Variants in TENM2 observed in about 807,000 individuals in gnomAD.
The protein encoded by TENM2 is teneurin transmembrane protein 2.
In TENM2, 52 loss-of-function variants were observed where a neutral mutation model predicts 245.2. The ratio of observed to expected loss-of-function variants is 0.21; its 90% confidence interval spans 0.17 to 0.27. TENM2 has a LOEUF of 0.27. Ranked by LOEUF, TENM2 falls within the 10% of genes least tolerant of loss-of-function variation. TENM2 has a pLI of 1.00. For synonymous variants in TENM2, 1,363 were observed against 1,438.9 expected (o/e 0.95, Z 1.19); for missense variants, 3,046 against 3,666.8 (o/e 0.83, Z 4.37).
intron 5 of TENM2, among the ~76,000 whole-genome samples, chr5:168,042,779 C>T (rs1788304631): frequency 6.6e-6 from 1 of 152,172 alleles, no homozygotes; most frequent in East Asian, 1.9e-4. Flanking sequence ...TCCCACCATC[C>T]TGTCTTGGTT....
chr5:167,826,274 A>G (rs1767967740), intron 2 of TENM2, among the ~76,000 whole-genome samples: 1 of 152,208 alleles, frequency 6.6e-6, no homozygotes. Flanking sequence ...TGCTTGGGTC[A>G]GTTCTGACTA....
chr5:167,233,077 T>C, the TENM2 span, among the ~76,000 whole-genome samples: 1 of 152,142 alleles, frequency 6.6e-6, no homozygotes, highest in African/African-American at 2.4e-5. Flanking sequence ...AAGTGCCAAA[T>C]CAGTGGCAGC....
At chr5:167,316,938 A>G (rs773658041) in intron 1 of TENM2, among the ~76,000 whole-genome samples, 4 of 152,322 alleles carry the variant, frequency 2.6e-5, no homozygotes, top group African/African-American at 9.6e-5. Context: ...AAGAGCACAC[A>G]GTCAACAATG....
chr5:166,986,164 A>T, the TENM2 span, among the ~76,000 whole-genome samples: 1 of 152,184 alleles, frequency 6.6e-6, no homozygotes, highest in African/African-American at 2.4e-5. Context: ...ATTGACCATT[A>T]TGAATAATTC....
chr5:168,021,834 G>A (rs1156501567), intron 5 of TENM2, among the ~76,000 whole-genome samples: 2 of 148,404 alleles, frequency 1.3e-5, no homozygotes, highest in Non-Finnish European at 3.0e-5. Context: ...AAAAGTAACA[G>A]AAATGATTAG....
chr5:166,980,936 A>G, the TENM2 span, among the ~76,000 whole-genome samples: 1 of 152,238 alleles, frequency 6.6e-6, no homozygotes, highest in Non-Finnish European at 1.5e-5. Context: ...CAACTTGTCT[A>G]TGTGCCAAGA....
the TENM2 span, among the ~76,000 whole-genome samples, chr5:167,205,332 G>GATC: frequency 4.1e-4 from 63 of 152,292 alleles, no homozygotes; most frequent in African/African-American, 1.5e-3. Flanking sequence ...AGTGAGCCAA[G>GATC]ATCACGCCAC....
intron 2 of TENM2, among the ~76,000 whole-genome samples, chr5:167,583,919 A>G (rs1196731597): frequency 6.6e-6 from 1 of 152,146 alleles, no homozygotes; most frequent in Non-Finnish European, 1.5e-5. Flanking sequence ...GCTAAATACT[A>G]TTCATCTTTA....
chr5:167,147,821 G>C, the TENM2 span, among the ~76,000 whole-genome samples: 2 of 151,938 alleles, frequency 1.3e-5, no homozygotes, highest in Non-Finnish European at 2.9e-5. Context: ...CCCTCAACCT[G>C]GTTTTTTTCT....
chr5:167,801,104 AAAAAAATATATATATATATAT>A (rs1450386779), intron 2 of TENM2, among the ~76,000 whole-genome samples: 5 of 64,128 alleles, frequency 7.8e-5, no homozygotes, highest in African/African-American at 2.8e-4. Flanking sequence ...AGAAAAAAAA[AAAAAAATATATATATATATAT>A]ATATATATAT....
intron 2 of TENM2, among the ~76,000 whole-genome samples, chr5:167,478,102 G>A (rs191392283): frequency 9.8e-4 from 149 of 152,272 alleles, no homozygotes; most frequent in Middle Eastern, 6.8e-3. Context: ...GAAACACCAG[G>A]AAAACATGAA....
chr5:168,032,454 G>A (rs149260607), intron 5 of TENM2, among the ~76,000 whole-genome samples: 10 of 152,248 alleles, frequency 6.6e-5, no homozygotes, highest in African/African-American at 2.4e-4. Context: ...ACCCTCTAGG[G>A]CTGGGAGAAA....
At chr5:167,704,623 G>A (rs906878980) in intron 2 of TENM2, among the ~76,000 whole-genome samples, 1 of 152,144 alleles carries the variant, frequency 6.6e-6, no homozygotes, top group Non-Finnish European at 1.5e-5. Flanking sequence ...GGGCAGTACA[G>A]GCCAGAAAAA....
chr5:168,226,229 C>G, exon 24 of TENM2: 2 of 1,613,634 alleles, frequency 1.2e-6, no homozygotes, highest in Middle Eastern at 1.7e-4. Context: ...TCACCAACCT[C>G]TCTTCAGTAG....
intron 5 of TENM2, among the ~76,000 whole-genome samples, chr5:167,998,198 T>A (rs1297922562): frequency 6.6e-6 from 1 of 152,228 alleles, no homozygotes; most frequent in Non-Finnish European, 1.5e-5. Flanking sequence ...AGTACTCATT[T>A]GTCCTCAATC....
chr5:167,656,158 A>T (rs1358413207), intron 2 of TENM2, among the ~76,000 whole-genome samples: 1 of 152,138 alleles, frequency 6.6e-6, no homozygotes, highest in Admixed American at 6.5e-5. Flanking sequence ...TAACACTCTA[A>T]CAAGGTACAA....
At chr5:167,326,357 G>C (rs1757076409) in intron 1 of TENM2, among the ~76,000 whole-genome samples, 1 of 152,050 alleles carries the variant, frequency 6.6e-6, no homozygotes, top group Non-Finnish European at 1.5e-5. Context: ...AAAAATCGTA[G>C]TAATTTTATA....
At chr5:167,046,003 C>T in the TENM2 span, among the ~76,000 whole-genome samples, 2 of 152,210 alleles carry the variant, frequency 1.3e-5, no homozygotes, top group Admixed American at 1.3e-4. Flanking sequence ...TTGCCTTCTA[C>T]ATGAGGCTCC....
At chr5:167,781,900 T>G (rs2150837039) in intron 2 of TENM2, among the ~76,000 whole-genome samples, 1 of 152,108 alleles carries the variant, frequency 6.6e-6, no homozygotes, top group East Asian at 1.9e-4. Context: ...ACCTAGCTAC[T>G]TGGGAGGCTG....
Sources: gnomAD v4.1 joint callset for allele counts (sites outside exome capture counted in the v4.1 genomes callset) on GRCh38, gnomAD v4.1.1 for gene constraint, MANE v1.5 for transcripts, NCBI Gene and HGNC (gene_info 2026-07-23, HGNC 2026-07-21) for gene names.